The following HECTD4 variants were observed in gnomAD, a reference collection of about 807,000 sequenced individuals.
The protein encoded by HECTD4 is HECT domain E3 ubiquitin protein ligase 4.
HECTD4 carries 114 observed loss-of-function variants against 471.5 expected under a neutral mutation model. The ratio of observed to expected loss-of-function variants is 0.24; its 90% CI spans 0.21 to 0.28. The LOEUF is 0.28. Ranked by LOEUF, HECTD4 falls within the 10% of genes least tolerant of loss-of-function variation. The pLI is 1.00. For synonymous variants in HECTD4, 2,012 were observed against 2,256.0 expected, an observed-to-expected ratio of 0.89 and a Z score of 3.07; for missense variants, 3,866 against 5,651.5, an observed-to-expected ratio of 0.68 and a Z score of 10.13.
Position 112,228,277 on chromosome 12 carries a change from C to A in HECTD4, c.6685-19G>T. The A allele has an allele frequency of 6.5e-7, 1 of 1,542,754 alleles. No homozygotes were observed. The highest frequency in any genetic ancestry group is 8.7e-7 in the Non-Finnish European group (1 of 1,147,978). ...GCAATGCCTGATGGCGGTGGGGGGG[C>A]ATGGCAAAAAGTTAAATTCAAGTAG... On this transcript the variant is annotated intron_variant, in intron 42 of 75. Transcript: ENST00000682272. The surrounding 1 kb of genome is among the most constrained non-coding windows in gnomAD (Gnocchi z 4.9).
intron 44 of HECTD4, among the ~76,000 whole-genome samples, chr12:112,226,227 A>ACACACT (rs1160544630): frequency 6.6e-5 from 10 of 152,176 alleles, no homozygotes; most frequent in African/African-American, 2.4e-4. Flanking sequence ...ACACTCACAC[A>ACACACT]CACACTCACA....
At chr12:112,261,234 A>G in intron 18 of HECTD4, 71 bp downstream of exon 18, 1 of 1,436,724 alleles carries the variant, frequency 7.0e-7, no homozygotes. Flanking sequence ...TATTCTAAAA[A>G]GATTTAATTT....
At chr12:112,227,120 C>T (rs769973725) in intron 43 of HECTD4, among the ~76,000 whole-genome samples, 3 of 152,160 alleles carry the variant, frequency 2.0e-5, no homozygotes, top group African/African-American at 4.8e-5. Context: ...ATCTGTATGG[C>T]GATCGCTCTC....
chr12:112,231,371 C>A (rs2033374320), intron 39 of HECTD4, 142 bp downstream of exon 39: 3 of 733,656 alleles, frequency 4.1e-6, no homozygotes, highest in Non-Finnish European at 7.0e-6. Flanking sequence ...CAGGCTGTAC[C>A]TTGAGTGCAA....
chr12:112,280,092 A>G (rs2034603209), intron 8 of HECTD4, among the ~76,000 whole-genome samples: 1 of 152,192 alleles, frequency 6.6e-6, no homozygotes, highest in Non-Finnish European at 1.5e-5. Flanking sequence ...AATTCTTGAC[A>G]GGCTTGTGAT....
intron 1 of HECTD4, among the ~76,000 whole-genome samples, chr12:112,376,082 A>T (rs192628573): frequency 2.6e-5 from 4 of 152,326 alleles, no homozygotes; most frequent in African/African-American, 4.8e-5. Flanking sequence ...GTCTAAAAAA[A>T]AATAATAATA....
chr12:112,202,786 C>T (rs2032465381), intron 54 of HECTD4, among the ~76,000 whole-genome samples: 1 of 152,150 alleles, frequency 6.6e-6, no homozygotes, highest in African/African-American at 2.4e-5. Flanking sequence ...CTTGTCCTCT[C>T]TCACTCTGCC....
At position 112,230,716 on chromosome 12, in the gene HECTD4, C is replaced by G; in HGVS notation, c.6307G>C (p.Ala2103Pro). ...SLLMAPESNA[A>P]QIWTTTAEKV... ...TCTGCTGTTGTGGTCCATATTTGAG[C>G]AGCATTTGATTCAGGTGCCATGAGC... The change falls in exon 40 of 76, where the codon GCT (alanine) becomes CCT (proline). Residue 2103 changes from alanine (A) to proline (P), a missense_variant. Physicochemically the swap from Ala to Pro is conservative, Grantham distance 27. This residue lies in a region of HECTD4 where 617 missense variants were observed against 915.1 expected (regional missense o/e 0.67). Coordinates refer to ENST00000682272, the MANE Select transcript of HECTD4 (RefSeq NM_001388303.1). 1 of 1,611,052 alleles carries G rather than the reference C, an allele frequency of 6.2e-7. No individual in the cohort carries two copies. Among genetic ancestry groups the G allele is most frequent in the Non-Finnish European group, 8.5e-7 (1 of 1,178,602 alleles).
At chr12:112,234,787 T>A (rs1429844832) in intron 37 of HECTD4, among the ~76,000 whole-genome samples, 3 of 152,134 alleles carry the variant, frequency 2.0e-5, no homozygotes, top group Non-Finnish European at 4.4e-5. Context: ...AGGCTTCCCA[T>A]AGACAATAAT....
At chr12:112,222,534 G>T (rs2033125737) in intron 44 of HECTD4, among the ~76,000 whole-genome samples, 1 of 152,166 alleles carries the variant, frequency 6.6e-6, no homozygotes, top group African/African-American at 2.4e-5. Context: ...ACGTGTGGTG[G>T]CAGGCACCTG....
At chr12:112,289,832 A>G (rs1018906913) in intron 7 of HECTD4, among the ~76,000 whole-genome samples, 2 of 152,014 alleles carry the variant, frequency 1.3e-5, no homozygotes, top group African/African-American at 4.8e-5. Flanking sequence ...GTGTACCACC[A>G]CGCCCAGCTA....
rs751688194 is a variant in HECTD4, at chr12:112,200,625, G to A, written c.8567+13C>T. The A allele has an allele frequency of 6.2e-7, 1 of 1,603,254 alleles. No individual in the cohort carries two copies. The highest frequency in any genetic ancestry group is 8.5e-7 in the Non-Finnish European group (1 of 1,171,626). Reference sequence around the variant, plus strand: ...ATTTCTGTGACCCAGTAGAAAGAAGGGCCCAATTGTACCTGTGAATTTGAA... The same window carrying A: ...ATTTCTGTGACCCAGTAGAAAGAAGAGCCCAATTGTACCTGTGAATTTGAA... On this transcript the variant is annotated intron_variant, in intron 55 of 75. Transcript: ENST00000682272.
intron 44 of HECTD4, among the ~76,000 whole-genome samples, chr12:112,221,731 G>A (rs969411155): frequency 2.0e-5 from 3 of 151,664 alleles, no homozygotes; most frequent in African/African-American, 7.3e-5. Flanking sequence ...ATAGGGAGAC[G>A]CTGTCTCTTG....
At chr12:112,317,355 TAA>T (rs572510452) in intron 2 of HECTD4, among the ~76,000 whole-genome samples, 1 of 152,096 alleles carries the variant, frequency 6.6e-6, no homozygotes, top group Admixed American at 6.5e-5. Flanking sequence ...CATTTTGCCT[TAA>T]AAAAACCCTT....
At chr12:112,330,520 A>G (rs979150303) in intron 1 of HECTD4, among the ~76,000 whole-genome samples, 2 of 152,208 alleles carry the variant, frequency 1.3e-5, no homozygotes, top group African/African-American at 4.8e-5. Context: ...ATACAAAACT[A>G]TAACAAATTT....
At position 112,173,638 on chromosome 12, in the gene HECTD4, C is replaced by T. The variant is rs2137010841; in HGVS notation, c.11595-777G>A. 6.6e-6 allele frequency among the ~76,000 whole-genome samples: 1 copy of T among 152,176 alleles called. No individual in the cohort carries two copies. The highest frequency in any genetic ancestry group is 2.4e-5 in the African/African-American group (1 of 41,522). ...CTCAATCTCCTGACCTTGTGATCCG[C>T]CCGCCTCAGCCTCCCAAAGTGCTGC... On this transcript the variant is annotated intron_variant, in intron 66 of 75. Transcript: ENST00000682272. This position sits in a 1 kb window ranked among gnomAD's most constrained non-coding sequence, Gnocchi z 4.3.
chr12:112,371,340 C>A (rs2036663867), intron 1 of HECTD4, among the ~76,000 whole-genome samples: 7 of 152,124 alleles, frequency 4.6e-5, no homozygotes, highest in Admixed American at 2.6e-4. Context: ...CTCTGGAAGG[C>A]CGAGGTGGGT....
intron 7 of HECTD4, among the ~76,000 whole-genome samples, chr12:112,284,227 G>A (rs888990275): frequency 1.3e-5 from 2 of 152,042 alleles, no homozygotes; most frequent in African/African-American, 4.8e-5. Context: ...CCTTCTCTTT[G>A]TTTTCAAATA....
intron 7 of HECTD4, among the ~76,000 whole-genome samples, chr12:112,296,786 T>TGGTGTAGGTGCAGAG (rs2035032491): frequency 2.3e-4 from 14 of 59,592 alleles, no homozygotes; most frequent in South Asian, 2.1e-3. Flanking sequence ...TAGGTGCAGA[T>TGGTGTAGGTGCAGAG]GGTGTAGGTG....
Sources: allele counts gnomAD v4.1 joint callset (sites outside exome capture counted in the v4.1 genomes callset), GRCh38; gene constraint gnomAD v4.1.1; regional missense constraint gnomAD v4.1.1; non-coding constraint Gnocchi (gnomAD v3.1); transcripts MANE v1.5; gene names NCBI Gene and HGNC (gene_info 2026-07-23, HGNC 2026-07-21).